GALNT18: variants seen among roughly 807,000 people sequenced by gnomAD.
GALNT18 encodes polypeptide N-acetylgalactosaminyltransferase 18, also known as GalNAc-transferase 18.
A neutral mutation model predicts 69.5 loss-of-function variants in GALNT18; 44 were observed. The observed-to-expected ratio is 0.63, with a 90% confidence interval of 0.50 to 0.81. The LOEUF is 0.81. Ranked by LOEUF, GALNT18 falls within the 40% of genes least tolerant of loss-of-function variation. GALNT18 has a pLI of 0.00. For missense variants in GALNT18, 715 were observed against 810.0 expected (o/e 0.88, Z 1.42); for synonymous variants, 364 against 318.2 (o/e 1.14, Z -1.53).
rs137924748 is a variant in GALNT18, at chr11:11,569,180, A to G, written c.235+52179T>C. Among the ~76,000 whole-genome samples, 876 of 151,752 alleles carry G rather than the reference A, an allele frequency of 5.8e-3. 12 individuals carry two copies. The highest frequency in any genetic ancestry group is 0.02 in the African/African-American group (836 of 41,314). ...AACAAGGTAGATTCACAACAACTCA[A>G]CCAAGAGTTATAAAACAGCTTCCTC... is the stretch of plus-strand genomic sequence containing the variant. On this transcript the variant is annotated intron_variant, in intron 1 of 10. Coordinates refer to ENST00000227756, the MANE Select transcript of GALNT18 (RefSeq NM_198516.3).
At chr11:11,521,913 G>A (rs770331626) in intron 1 of GALNT18, among the ~76,000 whole-genome samples, 8 of 152,162 alleles carry the variant, frequency 5.3e-5, no homozygotes, top group East Asian at 1.9e-4. Flanking sequence ...GGACTTTCTC[G>A]CTTTAACCCC....
chr11:11,422,332 A>G (rs1291126944), intron 3 of GALNT18, among the ~76,000 whole-genome samples: 1 of 152,218 alleles, frequency 6.6e-6, no homozygotes, highest in East Asian at 1.9e-4. Flanking sequence ...AGGAGCAACA[A>G]TAGGAGAACC....
Position 11,332,682 on chromosome 11 carries a change from C to A in GALNT18, c.1416+12G>T, listed in dbSNP as rs1590042581. The A allele has an allele frequency of 6.2e-7, 1 of 1,613,764 alleles. No individual in the cohort carries two copies. Among genetic ancestry groups the A allele is most frequent in the African/African-American group, 1.3e-5 (1 of 75,014 alleles). On this transcript the variant is annotated intron_variant, in intron 8 of 10. Coordinates refer to ENST00000227756, the MANE Select transcript of GALNT18 (RefSeq NM_198516.3). This position sits in a 1 kb window ranked among gnomAD's most constrained non-coding sequence, Gnocchi z 4.3. ...GTGTCTGAATGAAACCCGGAGGAGG[C>A]CAGCTCCTTACCACTCCATAGGCAA...
At chr11:11,375,865 T>C (rs554064291) in intron 5 of GALNT18, among the ~76,000 whole-genome samples, 1 of 152,328 alleles carries the variant, frequency 6.6e-6, no homozygotes, top group African/African-American at 2.4e-5. Flanking sequence ...TAAGTATGAG[T>C]ATACATTTTT....
In GALNT18 at chr11:11,618,348, C is replaced by T. The variant is rs1255886511; in HGVS notation, c.235+3011G>A. Among the ~76,000 whole-genome samples, 1 of 152,240 alleles carries T rather than the reference C, an allele frequency of 6.6e-6. No individual in the cohort carries two copies. Among genetic ancestry groups the T allele is most frequent in the Non-Finnish European group, 1.5e-5 (1 of 68,046 alleles). On this transcript the variant is annotated intron_variant, in intron 1 of 10. Coordinates refer to ENST00000227756, the MANE Select transcript of GALNT18 (RefSeq NM_198516.3). This position sits in a 1 kb window ranked among gnomAD's most constrained non-coding sequence, Gnocchi z 6.1. ...GCACTCATCCATTCATCCACGCTTC[C>T]ACCCCACAGCTACTTTCTGCAGAAT...
intron 3 of GALNT18, among the ~76,000 whole-genome samples, chr11:11,420,475 T>C (rs1295059012): frequency 6.6e-6 from 1 of 152,210 alleles, no homozygotes; most frequent in Admixed American, 6.5e-5. Flanking sequence ...GGTCACTGCA[T>C]GGTTTGGGGC....
chr11:11,429,492 T>A (rs1855217875), intron 3 of GALNT18, among the ~76,000 whole-genome samples: 1 of 152,218 alleles, frequency 6.6e-6, no homozygotes, highest in Non-Finnish European at 1.5e-5. Context: ...TGCAGTTTGC[T>A]GGCTTATGTG....
chr11:11,432,891 G>A lies in GALNT18; in HGVS notation c.429-104C>T, dbSNP rs146003097. 1.8e-3 allele frequency: 2,067 copies of A among 1,129,538 alleles called. 16 individuals carry two copies. Among genetic ancestry groups the A allele is most frequent in the South Asian group, 0.013 (799 of 63,812 alleles). 70.0% of individuals were successfully genotyped at this position (1,129,538 alleles called of 1,614,324 possible). ...TCCAGCTTTGCTGGAGGGCTCGGGAGTCCAGATTCTTCCAAGGGCCCCTTC... is the reference window on the plus strand; with the variant it reads ...TCCAGCTTTGCTGGAGGGCTCGGGAATCCAGATTCTTCCAAGGGCCCCTTC... On this transcript the variant is annotated intron_variant, in intron 2 of 10. Transcript: ENST00000227756. The surrounding 1 kb of genome is among the most constrained non-coding windows in gnomAD (Gnocchi z 5.8).
chr11:11,396,108 C>G lies in GALNT18; in HGVS notation c.596-16844G>C, dbSNP rs1854319517. 6.6e-6 allele frequency among the ~76,000 whole-genome samples: 1 copy of G among 152,154 alleles called. No individual in the cohort carries two copies. Among genetic ancestry groups the G allele is most frequent in the African/African-American group, 2.4e-5 (1 of 41,424 alleles). On this transcript the variant is annotated intron_variant, in intron 3 of 10. Transcript: ENST00000227756. This position sits in a 1 kb window ranked among gnomAD's most constrained non-coding sequence, Gnocchi z 5.2. ...TGATCCCCATGGGGCTGAACAGTCC[C>G]AAAGAGTTAGAGAGAAAAGTCTTTA... is the stretch of plus-strand genomic sequence containing the variant.
chr11:11,290,870 G>T (rs1302360429), intron 10 of GALNT18, among the ~76,000 whole-genome samples: 1 of 152,122 alleles, frequency 6.6e-6, no homozygotes, highest in African/African-American at 2.4e-5. Context: ...TCTGAGGCAT[G>T]AAGACCATTT....
chr11:11,596,535 T>G lies in GALNT18; in HGVS notation c.235+24824A>C, dbSNP rs1165077124. On this transcript the variant is annotated intron_variant, in intron 1 of 10. Transcript: ENST00000227756. This position sits in a 1 kb window ranked among gnomAD's most constrained non-coding sequence, Gnocchi z 4.2. ...CATTTATTTAGGTCTTCTTTAACTT[T>G]TTCAACAATGTTTTGTAGTTTTCAG... Among the ~76,000 whole-genome samples, 3 of 152,198 alleles carry G rather than the reference T, an allele frequency of 2.0e-5. No individual in the cohort carries two copies. The highest frequency in any genetic ancestry group is 4.4e-5 in the Non-Finnish European group (3 of 67,996).
At chr11:11,464,014 G>A (rs59941381) in intron 1 of GALNT18, among the ~76,000 whole-genome samples, 25 of 152,024 alleles carry the variant, frequency 1.6e-4, no homozygotes, top group Admixed American at 1.4e-3. Context: ...AGGCAGTCCC[G>A]GCCTGCAGCC....
chr11:11,409,826 C>T lies in GALNT18; in HGVS notation c.595+22795G>A, dbSNP rs138850304. Among the ~76,000 whole-genome samples, 462 of 152,290 alleles carry T rather than the reference C, an allele frequency of 3.0e-3. 3 individuals carry two copies. The highest frequency in any genetic ancestry group is 4.8e-3 in the Non-Finnish European group (329 of 68,020). On this transcript the variant is annotated intron_variant, in intron 3 of 10. Coordinates refer to ENST00000227756, the MANE Select transcript of GALNT18 (RefSeq NM_198516.3). The stretch of plus-strand genomic sequence containing the variant: ...CTATGTGAGTCTCAGGTCTTCTTTC[C>T]TCTGTGGGCTGACTTCTGTCTGTCT...
intron 1 of GALNT18, among the ~76,000 whole-genome samples, chr11:11,525,992 T>C (rs919837335): frequency 3.9e-5 from 6 of 152,030 alleles, no homozygotes; most frequent in Non-Finnish European, 7.4e-5. Context: ...CAGTTGGCAA[T>C]TGGAAGACAC....
intron 3 of GALNT18, among the ~76,000 whole-genome samples, chr11:11,414,620 T>C (rs1351197574): frequency 6.6e-6 from 1 of 152,234 alleles, no homozygotes; most frequent in East Asian, 1.9e-4. Context: ...ATTCTTTTTA[T>C]GTCTTTTAAG....
At chr11:11,545,605 T>G (rs975382474) in intron 1 of GALNT18, among the ~76,000 whole-genome samples, 1 of 152,212 alleles carries the variant, frequency 6.6e-6, no homozygotes, top group Non-Finnish European at 1.5e-5. Context: ...TGTTGGCAAG[T>G]GGTCTTCCAC....
chr11:11,368,554 G>T (rs1850824113), intron 6 of GALNT18, among the ~76,000 whole-genome samples: 1 of 152,054 alleles, frequency 6.6e-6, no homozygotes, highest in African/African-American at 2.4e-5. Flanking sequence ...CCTTTGGGCT[G>T]ATTTTGAGTG....
At chr11:11,277,202 C>G (rs1021846816) in intron 10 of GALNT18, among the ~76,000 whole-genome samples, 2 of 152,130 alleles carry the variant, frequency 1.3e-5, no homozygotes, top group Non-Finnish European at 2.9e-5. Flanking sequence ...TGTTATTGGT[C>G]TATTCAGAGA....
intron 1 of GALNT18, among the ~76,000 whole-genome samples, chr11:11,525,791 C>T (rs537235467): frequency 2.0e-5 from 3 of 152,082 alleles, no homozygotes; most frequent in South Asian, 4.2e-4. Context: ...CCCGCCACCA[C>T]GCCCAGCTAA....
Sources: gnomAD v4.1 joint callset for allele counts (sites outside exome capture counted in the v4.1 genomes callset) on GRCh38, gnomAD v4.1.1 for gene constraint, Gnocchi (gnomAD v3.1) non-coding constraint, MANE v1.5 for transcripts, NCBI Gene and HGNC (gene_info 2026-07-23, HGNC 2026-07-21) for gene names.